Variants in LRP1B observed in about 807,000 individuals in gnomAD.
The protein encoded by LRP1B is LDL receptor related protein 1B, also known as low-density lipoprotein receptor-related protein 1B.
Under a neutral mutation model 556.6 loss-of-function variants are expected in LRP1B, and 217 were observed. The observed-to-expected ratio is 0.39, with a 90% CI of 0.35 to 0.44. The LOEUF (loss-of-function observed/expected upper bound fraction) is 0.44, where lower values mean the gene tolerates loss of function less well. Among genes scored for constraint, LRP1B ranks in the 20% least tolerant of loss-of-function variants. The probability of loss-of-function intolerance (pLI) is 1.00; values close to 1 mark genes in which losing one functional copy is unlikely to be tolerated. For missense variants in LRP1B, 5,053 were observed against 5,620.8 expected (o/e 0.90, Z 3.23); for synonymous variants, 2,047 against 1,865.8 (o/e 1.10, Z -2.50).
chr2:141,287,683 G>A (rs896457255), intron 3 of LRP1B, among the ~76,000 whole-genome samples: 3 of 152,004 alleles, frequency 2.0e-5, no homozygotes, highest in African/African-American at 7.2e-5. Context: ...TTATCGTTAT[G>A]CTTTAAAACT....
chr2:140,944,201 C>T (rs1695478922), intron 20 of LRP1B, among the ~76,000 whole-genome samples: 1 of 152,066 alleles, frequency 6.6e-6, no homozygotes, highest in African/African-American at 2.4e-5. Context: ...AAACACACAA[C>T]TTCCTAGATT....
intron 41 of LRP1B, among the ~76,000 whole-genome samples, chr2:140,657,618 C>CATACAT (rs1425385225): frequency 4.3e-5 from 5 of 115,694 alleles, no homozygotes; most frequent in African/African-American, 1.6e-4. Flanking sequence ...TATATACATA[C>CATACAT]ATATATACAT....
At position 140,487,743 on chromosome 2, in the gene LRP1B, A is replaced by C; in HGVS notation, c.9121-4T>G. ...TAGCAATAACATTGTTTAATCCCTG[A>C]AAATAAAAAAGACTATGTTGTCAAT... is the stretch of plus-strand genomic sequence containing the variant. On this transcript the variant is annotated splice_region_variant and splice_polypyrimidine_tract_variant and intron_variant, in intron 57 of 90. Transcript: ENST00000389484. The C allele has an allele frequency of 6.6e-7, 1 of 1,508,506 alleles. No individual in the cohort carries two copies. Among genetic ancestry groups the C allele is most frequent in the Non-Finnish European group, 9.1e-7 (1 of 1,104,922 alleles). The allele number at this position is 1,508,506 out of a possible 1,614,324, so 93.4% of individuals were successfully genotyped here.
intron 59 of LRP1B, among the ~76,000 whole-genome samples, chr2:140,481,117 A>G (rs1688220885): frequency 6.6e-6 from 1 of 152,024 alleles, no homozygotes; most frequent in Non-Finnish European, 1.5e-5. Context: ...CTGCCCGCCT[A>G]GGCCTCCCAA....
chr2:140,235,097 C>T (rs1456378434), intron 89 of LRP1B, among the ~76,000 whole-genome samples: 1 of 150,856 alleles, frequency 6.6e-6, no homozygotes, highest in Non-Finnish European at 1.5e-5. Context: ...TGGATCTTTG[C>T]TTCATAGGTA....
intron 2 of LRP1B, among the ~76,000 whole-genome samples, chr2:141,535,587 T>C (rs758939994): frequency 2.6e-4 from 40 of 151,934 alleles, no homozygotes; most frequent in Non-Finnish European, 4.4e-4. Flanking sequence ...CTTAAGACTT[T>C]TTCAATGCTT....
At chr2:140,935,123 AAAG>A (rs1695165748) in intron 20 of LRP1B, among the ~76,000 whole-genome samples, 1 of 152,148 alleles carries the variant, frequency 6.6e-6, no homozygotes, top group Non-Finnish European at 1.5e-5. Flanking sequence ...CAAGGCATGC[AAAG>A]AAGAGTATAT....
intron 41 of LRP1B, among the ~76,000 whole-genome samples, chr2:140,638,560 T>G (rs913198502): frequency 6.6e-6 from 1 of 152,148 alleles, no homozygotes; most frequent in Non-Finnish European, 1.5e-5. Flanking sequence ...AGATAGTCCA[T>G]GTCTGATTTG....
chr2:141,134,612 A>G (rs1470253695), intron 7 of LRP1B, among the ~76,000 whole-genome samples: 3 of 151,866 alleles, frequency 2.0e-5, no homozygotes, highest in African/African-American at 7.2e-5. Context: ...AATTCATTAA[A>G]TGGAAAAAAA....
chr2:141,414,794 G>C (rs1691023207), intron 3 of LRP1B, among the ~76,000 whole-genome samples: 2 of 152,140 alleles, frequency 1.3e-5, no homozygotes, highest in South Asian at 2.1e-4. Flanking sequence ...TCTTGTCGTT[G>C]TTGTAGTTTA....
chr2:140,445,564 G>A (rs116052499), intron 63 of LRP1B, among the ~76,000 whole-genome samples: 2,189 of 151,690 alleles, frequency 0.014, 39 homozygotes, highest in African/African-American at 0.05. Flanking sequence ...TATACTATAC[G>A]TATATTATAA....
At chr2:141,121,598 G>A (rs557329239) in intron 7 of LRP1B, among the ~76,000 whole-genome samples, 1 of 152,018 alleles carries the variant, frequency 6.6e-6, no homozygotes, top group Non-Finnish European at 1.5e-5. Context: ...GGAAATAAAA[G>A]AGGATACAAA....
chr2:141,457,969 A>AATGCTCTAG (rs1489606546), intron 3 of LRP1B, among the ~76,000 whole-genome samples: 1 of 152,164 alleles, frequency 6.6e-6, no homozygotes, highest in East Asian at 1.9e-4. Context: ...CAGTAGTTAA[A>AATGCTCTAG]ATGCTCTAGA....
chr2:140,549,048 T>A (rs1476591244), intron 43 of LRP1B, among the ~76,000 whole-genome samples: 1 of 152,174 alleles, frequency 6.6e-6, no homozygotes, highest in East Asian at 1.9e-4. Flanking sequence ...TAACTGCTAA[T>A]TACCCTCCCA....
At chr2:141,643,366 G>T (rs1023702277) in intron 2 of LRP1B, among the ~76,000 whole-genome samples, 3 of 150,154 alleles carry the variant, frequency 2.0e-5, no homozygotes, top group Admixed American at 1.4e-4. Flanking sequence ...AGTGGTAAAG[G>T]GTATTCTATT....
chr2:140,847,918 A>G (rs1692325423), intron 29 of LRP1B, among the ~76,000 whole-genome samples: 1 of 152,196 alleles, frequency 6.6e-6, no homozygotes, highest in African/African-American at 2.4e-5. Flanking sequence ...AGAGTCTGCT[A>G]AATAGAAGTA....
intron 1 of LRP1B, among the ~76,000 whole-genome samples, chr2:142,061,692 CA>C (rs1319687634): frequency 6.6e-6 from 1 of 151,904 alleles, no homozygotes; most frequent in Non-Finnish European, 1.5e-5. Context: ...AAAATTTAAT[CA>C]ATTCAAAAGT....
chr2:141,345,241 C>T (rs1302131969), intron 3 of LRP1B, among the ~76,000 whole-genome samples: 1 of 151,750 alleles, frequency 6.6e-6, no homozygotes, highest in Non-Finnish European at 1.5e-5. Context: ...ATACTGCCCA[C>T]TTGATTTTGG....
At chr2:140,469,858 C>G (rs1170945266) in intron 60 of LRP1B, among the ~76,000 whole-genome samples, 4 of 152,184 alleles carry the variant, frequency 2.6e-5, no homozygotes, top group African/African-American at 9.7e-5. Context: ...TGATTACTAG[C>G]TCTGTGACTT....
Sources: gnomAD v4.1 joint callset for allele counts (sites outside exome capture counted in the v4.1 genomes callset) on GRCh38, gnomAD v4.1.1 for gene constraint, MANE v1.5 for transcripts, NCBI Gene and HGNC (gene_info 2026-07-23, HGNC 2026-07-21) for gene names.